Variants in HDAC4 observed in about 807,000 individuals in gnomAD.
HDAC4 encodes the protein histone deacetylase 4.
Under a neutral mutation model 135.1 loss-of-function variants are expected in HDAC4, and 16 were observed. The observed-to-expected ratio is 0.12, with a 90% confidence interval of 0.08 to 0.18. HDAC4 has a LOEUF of 0.18. Among genes scored for constraint, HDAC4 ranks in the 10% least tolerant of loss-of-function variants. The pLI, the probability that HDAC4 is intolerant of heterozygous loss-of-function variation, is 1.00. For missense variants in HDAC4, 1,143 were observed against 1,511.8 expected, an observed-to-expected ratio of 0.76 and a Z score of 4.05; for synonymous variants, 685 against 653.4, an observed-to-expected ratio of 1.05 and a Z score of -0.74.
At position 239,381,126 on chromosome 2, in the gene HDAC4, G is replaced by A. The variant is rs143703225; in HGVS notation, c.-220+19852C>T. ...ACGCGATGCTCTGAGGAAGGAAACC[G>A]TCTAGGAACCAAGAGTCACGGAGCT... On this transcript the variant is annotated intron_variant, in intron 1 of 26. Coordinates refer to ENST00000543185, the MANE Select transcript of HDAC4 (RefSeq NM_001378414.1). Among the ~76,000 whole-genome samples the A allele has an allele frequency of 6.3e-3, 952 of 152,304 alleles. 7 individuals are homozygous for A. The highest frequency in any genetic ancestry group is 9.7e-3 in the Non-Finnish European group (661 of 68,030).
At chr2:239,300,748 C>T (rs1044641898) in intron 2 of HDAC4, among the ~76,000 whole-genome samples, 8 of 152,370 alleles carry the variant, frequency 5.3e-5, no homozygotes, top group African/African-American at 1.7e-4. Flanking sequence ...CTCCCCTCTC[C>T]GGTTCTTACA....
chr2:239,387,669 C>T (rs1055837937), intron 1 of HDAC4, among the ~76,000 whole-genome samples: 2 of 152,170 alleles, frequency 1.3e-5, no homozygotes, highest in African/African-American at 2.4e-5. Flanking sequence ...CAATTCTGAT[C>T]GTGTGGAGAA....
intron 14 of HDAC4, among the ~76,000 whole-genome samples, chr2:239,111,229 T>C (rs1439129126): frequency 2.0e-5 from 3 of 152,240 alleles, no homozygotes; most frequent in Non-Finnish European, 4.4e-5. Flanking sequence ...TAGGTTCTCA[T>C]GGCCCCACGG....
In HDAC4 at chr2:239,048,977, C is replaced by T. The variant is rs943400910; in HGVS notation, c.*4120G>A. On this transcript the variant is annotated 3_prime_UTR_variant, in exon 27 of 27. Transcript: ENST00000543185. Reference sequence around the variant, plus strand: ...AAGGCCAGTGAGGGCGGGCGGCGCTCGCCTGGCCCGTGGAAGGAGATAAAA... The same window carrying T: ...AAGGCCAGTGAGGGCGGGCGGCGCTTGCCTGGCCCGTGGAAGGAGATAAAA... 6.6e-6 allele frequency: 1 copy of T among 152,224 alleles called. No individual in the cohort carries two copies. The highest frequency in any genetic ancestry group is 1.5e-5 in the Non-Finnish European group (1 of 68,044). The allele number at this position is 152,224 out of a possible 1,614,324, so 9.4% of individuals were successfully genotyped here.
intron 3 of HDAC4, among the ~76,000 whole-genome samples, chr2:239,203,002 C>T (rs1303310240): frequency 6.6e-6 from 1 of 152,188 alleles, no homozygotes; most frequent in Non-Finnish European, 1.5e-5. Flanking sequence ...CAGCACAGCC[C>T]AGGCAGCAAG....
intron 3 of HDAC4, among the ~76,000 whole-genome samples, chr2:239,201,923 A>G (rs1043340854): frequency 6.6e-6 from 1 of 152,204 alleles, no homozygotes; most frequent in Non-Finnish European, 1.5e-5. Flanking sequence ...CTGGCAGAAA[A>G]AAAGTCTAAG....
chr2:239,237,191 C>G (rs2047934807), intron 2 of HDAC4, among the ~76,000 whole-genome samples: 1 of 152,122 alleles, frequency 6.6e-6, no homozygotes, highest in African/African-American at 2.4e-5. Flanking sequence ...GTATAGAGTC[C>G]TTTCTTTTAA....
rs1295459374 is a variant in HDAC4, at chr2:239,400,522, G to T, written c.-220+456C>A. The T allele has an allele frequency of 6.9e-6, 1 of 145,794 alleles. No individual in the cohort carries two copies. Among genetic ancestry groups the T allele is most frequent in the South Asian group, 2.1e-4 (1 of 4,810 alleles). The allele number at this position is 145,794 out of a possible 1,614,324, so 9.0% of individuals were successfully genotyped here. A position where few individuals can be genotyped will look rare whatever the true frequency, so the allele number is the denominator to read the frequency against. On this transcript the variant is annotated intron_variant, in intron 1 of 26. Coordinates refer to ENST00000543185, the MANE Select transcript of HDAC4 (RefSeq NM_001378414.1). This position sits in a 1 kb window ranked among gnomAD's most constrained non-coding sequence, Gnocchi z 4.7. Reference sequence around the variant, plus strand: ...GGCCGGGCGGCCCTGGGGACCGGCGGGTCCCACGGCGCGCGGCCAGCGCTG... The same window carrying T: ...GGCCGGGCGGCCCTGGGGACCGGCGTGTCCCACGGCGCGCGGCCAGCGCTG...
At chr2:239,209,789 T>C (rs1244660476) in intron 3 of HDAC4, among the ~76,000 whole-genome samples, 1 of 152,194 alleles carries the variant, frequency 6.6e-6, no homozygotes, top group African/African-American at 2.4e-5. Flanking sequence ...AAGTAACTCC[T>C]ATAAAGCCGC....
In HDAC4 at chr2:239,081,493, T is replaced by G. The variant is rs147567799; in HGVS notation, c.2653-301A>C. ...TCTGCGGACCCGCCGCCCTGTGTTG[T>G]GTGCCGTGTGTTACATCAGGGAATC... On this transcript the variant is annotated intron_variant, in intron 21 of 26. Transcript: ENST00000543185. Among the ~76,000 whole-genome samples the G allele has an allele frequency of 1.6e-3, 239 of 152,386 alleles. 2 individuals are homozygous for G. The highest frequency in any genetic ancestry group is 2.3e-3 in the Non-Finnish European group (154 of 68,040).
At chr2:239,104,990 C>T (rs1184279126) in intron 15 of HDAC4, among the ~76,000 whole-genome samples, 3 of 152,318 alleles carry the variant, frequency 2.0e-5, no homozygotes, top group Non-Finnish European at 2.9e-5. Flanking sequence ...CGCAAGGGCT[C>T]GGGCTGTGCG....
chr2:239,226,041 G>A (rs1200159404), intron 3 of HDAC4, among the ~76,000 whole-genome samples: 1 of 152,288 alleles, frequency 6.6e-6, no homozygotes, highest in East Asian at 1.9e-4. Flanking sequence ...ACAGACAAGG[G>A]TCGGCAAAGA....
At chr2:239,101,399 G>C (rs914593698) in intron 16 of HDAC4, among the ~76,000 whole-genome samples, 1 of 152,214 alleles carries the variant, frequency 6.6e-6, no homozygotes, top group Non-Finnish European at 1.5e-5. Flanking sequence ...AACGCATGAA[G>C]GACTAGGAGT....
intron 23 of HDAC4, among the ~76,000 whole-genome samples, chr2:239,067,682 G>C (rs2033695206): frequency 6.6e-6 from 1 of 152,186 alleles, no homozygotes; most frequent in African/African-American, 2.4e-5. Context: ...TGGACTGTGG[G>C]AGGCCCCAGG....
chr2:239,062,448 A>G (rs1457595711), intron 24 of HDAC4, among the ~76,000 whole-genome samples: 1 of 152,264 alleles, frequency 6.6e-6, no homozygotes, highest in Non-Finnish European at 1.5e-5. Flanking sequence ...CTTGTGCATT[A>G]AAGAGACTTT....
intron 3 of HDAC4, among the ~76,000 whole-genome samples, chr2:239,210,991 A>C (rs2046330751): frequency 6.6e-6 from 1 of 152,190 alleles, no homozygotes; most frequent in African/African-American, 2.4e-5. Context: ...TCCTTTACAC[A>C]TGCCATCCTA....
At chr2:239,125,134 T>C (rs1486237230) in intron 12 of HDAC4, among the ~76,000 whole-genome samples, 1 of 152,266 alleles carries the variant, frequency 6.6e-6, no homozygotes, top group African/African-American at 2.4e-5. Context: ...TCTGTGTCCC[T>C]GCCCACATCT....
At chr2:239,071,765 G>A (rs901570273) in intron 22 of HDAC4, among the ~76,000 whole-genome samples, 9 of 152,124 alleles carry the variant, frequency 5.9e-5, no homozygotes, top group African/African-American at 9.7e-5. Context: ...TGCTCCTGTC[G>A]GCAGCTGATC....
chr2:239,381,535 G>A (rs1695416248), intron 1 of HDAC4, among the ~76,000 whole-genome samples: 1 of 152,208 alleles, frequency 6.6e-6, no homozygotes. Context: ...AATGATGTAT[G>A]TAACTTGTCC....
Sources: gnomAD v4.1 joint callset for allele counts (sites outside exome capture counted in the v4.1 genomes callset) on GRCh38, gnomAD v4.1.1 for gene constraint, Gnocchi (gnomAD v3.1) non-coding constraint, MANE v1.5 for transcripts, NCBI Gene and HGNC (gene_info 2026-07-23, HGNC 2026-07-21) for gene names.